Variants in FCRL3 observed in about 807,000 individuals in gnomAD.
FCRL3 encodes the protein Fc receptor like 3.
FCRL3 carries 89 observed loss-of-function variants against 75.0 expected under a neutral mutation model. That is an observed-to-expected ratio of 1.19 (90% CI 1.00 to 1.42). The LOEUF (loss-of-function observed/expected upper bound fraction) is 1.42. Among genes scored for constraint, FCRL3 ranks in the 40% most tolerant of loss-of-function variants. The probability of loss-of-function intolerance (pLI) is 0.00; values close to 1 mark genes in which losing one functional copy is unlikely to be tolerated. For missense variants in FCRL3, 946 were observed against 880.0 expected (o/e 1.07, Z -0.95); for synonymous variants, 376 against 348.5 (o/e 1.08, Z -0.88).
rs924239472 is a variant in FCRL3, at chr1:157,689,814, C to T, written c.1794G>A (p.Arg598=). ...GACACCCACCTGGTTTCCTTCGGGC[C>T]CTGGCGTAATGCAGCAGAGCAGCAG... ...AAAAALLHYA[R]ARRKPGGLSA... The change falls in exon 10 of 15, where the codon AGG becomes AGA. Residue 598 remains arginine (R), a synonymous_variant. Transcript: ENST00000368184. 2.4e-5 allele frequency: 39 copies of T among 1,613,936 alleles called. 1 individual carries two copies. The highest frequency in any genetic ancestry group is 3.2e-5 in the Non-Finnish European group (38 of 1,180,008).
chr1:157,690,595 T>C, intron 8 of FCRL3, 62 bp from the exon 9 acceptor site: 3 of 1,578,758 alleles, frequency 1.9e-6, no homozygotes, highest in Non-Finnish European at 2.6e-6. Context: ...GAGAACTTAA[T>C]AAAGGAATAT....
chr1:157,698,126 T>C, intron 4 of FCRL3: 1 of 725,990 alleles, frequency 1.4e-6, no homozygotes, highest in Non-Finnish European at 2.2e-6. Flanking sequence ...AATCTTCACA[T>C]GTCTTTTCAC....
chr1:157,697,193 G>C lies in FCRL3; in HGVS notation c.791C>G (p.Thr264Arg), dbSNP rs760066597. 66 of 1,550,664 alleles carry C rather than the reference G, an allele frequency of 4.3e-5. 1 individual carries two copies. In the South Asian group the frequency reaches 7.9e-4, roughly 18 times the overall value. Reference sequence around the variant, plus strand: ...CCTTTTTTTGATGCTGTGAGTCACTGTCTCCACCTCACACCAGTAAGACCC... The same window carrying C: ...CCTTTTTTTGATGCTGTGAGTCACTCTCTCCACCTCACACCAGTAAGACCC... ...DSGSYWCEVE[T>R]VTHSIKKRSL... is the part of the protein sequence containing the mutation. The change falls in exon 6 of 15, where the codon ACA becomes AGA. Residue 264 changes from threonine to arginine, a missense_variant. Physicochemically the swap from Thr to Arg is moderately conservative, Grantham distance 71. Transcript: ENST00000368184.
intron 8 of FCRL3, among the ~76,000 whole-genome samples, chr1:157,691,132 G>A (rs960931442): frequency 2.6e-5 from 4 of 151,986 alleles, no homozygotes; most frequent in African/African-American, 9.7e-5. Flanking sequence ...AACTTTGCCT[G>A]GCATATAAAA....
At chr1:157,686,433 A>ATC (rs1381098313) in intron 10 of FCRL3, among the ~76,000 whole-genome samples, 1 of 152,134 alleles carries the variant, frequency 6.6e-6, no homozygotes, top group Non-Finnish European at 1.5e-5. Flanking sequence ...AATTAGAAAA[A>ATC]TCTATTTTAA....
At chr1:157,688,169 C>T (rs1480747109) in intron 10 of FCRL3, among the ~76,000 whole-genome samples, 6 of 151,890 alleles carry the variant, frequency 4.0e-5, no homozygotes, top group African/African-American at 7.3e-5. Flanking sequence ...TAAACAAAAC[C>T]GGCAAGAATT....
At position 157,676,864 on chromosome 1, in the gene FCRL3, G is replaced by GC. The variant is rs1654489592; in HGVS notation, c.*1845dup. The GC allele has an allele frequency of 6.5e-7, 1 of 1,530,414 alleles. No individual in the cohort carries two copies. The highest frequency in any genetic ancestry group is 1.4e-5 in the African/African-American group (1 of 72,494). The allele number at this position is 1,530,414 out of a possible 1,614,324, so 94.8% of individuals were successfully genotyped here. On this transcript the variant is annotated 3_prime_UTR_variant, in exon 15 of 15. Transcript: ENST00000368184. The stretch of plus-strand genomic sequence containing the variant: ...GGCTTGGCAAGGTAATTCCAAATCA[G>GC]CAGCAGGGTTAGAAAGGAGGAGAGC...
chr1:157,698,562 C>T lies in FCRL3; in HGVS notation c.120G>A (p.Val40=), dbSNP rs375927716. 150 of 1,613,988 alleles carry T rather than the reference C, an allele frequency of 9.3e-5. No homozygotes were observed. The highest frequency in any genetic ancestry group is 1.3e-4 in the Non-Finnish European group (148 of 1,179,962). The part of the protein sequence containing the change: ...PWSTAFKGEK[V]ALICSSISHS... The stretch of plus-strand genomic sequence containing the variant: ...GTGATATGCTGCTGCATATGAGAGC[C>T]ACTTTTTCTCCTTTGAAGGCTGTGG... Residue 40 remains valine, a synonymous_variant, in exon 4 of 15, where the codon GTG becomes GTA. Transcript: ENST00000368184.
intron 13 of FCRL3, chr1:157,679,211 C>T: frequency 1.7e-6 from 1 of 577,590 alleles, no homozygotes; most frequent in Non-Finnish European, 3.1e-6. Flanking sequence ...AGAAAAAGTA[C>T]TGCCCCAAGC....
In FCRL3 at chr1:157,690,300, C is replaced by T; in HGVS notation, c.1645G>A (p.Gly549Ser). The T allele has an allele frequency of 3.7e-6, 6 of 1,614,246 alleles. No homozygotes were observed. The highest frequency in any genetic ancestry group is 1.6e-4 in the Middle Eastern group (1 of 6,062). ...SGNYSCEADN[G>S]LGAQHSKVVT... ...ACTTTACTGTGCTGGGCCCCCAGGCCATTGTCAGCCTCACATGAGTAGTTT... is the reference window on the plus strand; with the variant it reads ...ACTTTACTGTGCTGGGCCCCCAGGCTATTGTCAGCCTCACATGAGTAGTTT... The change falls in exon 9 of 15, where the codon GGC (glycine) becomes AGC (serine). Residue 549 changes from glycine to serine, a missense_variant. Transcript: ENST00000368184.
At chr1:157,697,039 A>C in intron 6 of FCRL3, 101 bp downstream of exon 6, 1 of 1,126,328 alleles carries the variant, frequency 8.9e-7, no homozygotes, top group Non-Finnish European at 1.2e-6. Flanking sequence ...ATAGCTGGAC[A>C]CTCCTCTCTG....
chr1:157,683,825 A>C (rs377394424), intron 10 of FCRL3, among the ~76,000 whole-genome samples: 2 of 152,126 alleles, frequency 1.3e-5, no homozygotes, highest in Non-Finnish European at 2.9e-5. Context: ...GCTCCGATTT[A>C]TCTTTCTTCC....
At chr1:157,684,669 C>A (rs780235967) in intron 10 of FCRL3, among the ~76,000 whole-genome samples, 3 of 152,084 alleles carry the variant, frequency 2.0e-5, no homozygotes, top group Non-Finnish European at 4.4e-5. Flanking sequence ...GTCATAGTAC[C>A]TAAAAGGTAG....
At chr1:157,700,346 C>G in intron 2 of FCRL3, 113 bp downstream of exon 2, 1 of 1,521,358 alleles carries the variant, frequency 6.6e-7, no homozygotes, top group Admixed American at 1.9e-5. Context: ...CTTCCCATCC[C>G]TTGCTATCTG....
chr1:157,688,172 C>T (rs1655295423), intron 10 of FCRL3, among the ~76,000 whole-genome samples: 2 of 152,048 alleles, frequency 1.3e-5, no homozygotes, highest in East Asian at 3.9e-4. Flanking sequence ...ACAAAACCGG[C>T]AAGAATTAGC....
In FCRL3 at chr1:157,677,876, T is replaced by A; in HGVS notation, c.*834A>T. ...ACATGAGATTTAGAATGGTTTTTTA[T>A]CAGATGGAGTGAGGTAGAGGAAGAG... is the stretch of plus-strand genomic sequence containing the variant. On this transcript the variant is annotated 3_prime_UTR_variant, in exon 15 of 15. Transcript: ENST00000368184. The A allele has an allele frequency of 1.2e-6, 1 of 840,854 alleles. No individual in the cohort carries two copies. Among genetic ancestry groups the A allele is most frequent in the Non-Finnish European group, 1.4e-6 (1 of 698,744 alleles). 52.1% of individuals were successfully genotyped at this position (840,854 alleles called of 1,614,324 possible).
chr1:157,681,550 T>C (rs1411046481), intron 11 of FCRL3, among the ~76,000 whole-genome samples: 1 of 152,068 alleles, frequency 6.6e-6, no homozygotes, highest in Non-Finnish European at 1.5e-5. Context: ...GTTTCATCCA[T>C]GTTCCTACAA....
intron 13 of FCRL3, 146 bp from the exon 14 acceptor site, chr1:157,679,119 T>C (rs1654656884): frequency 2.3e-6 from 2 of 857,160 alleles, no homozygotes; most frequent in African/African-American, 1.7e-5. Flanking sequence ...CAAACCCACA[T>C]AGAAAAAGTA....
At position 157,700,685 on chromosome 1, in the gene FCRL3, C is replaced by G. The variant is rs1385173950; in HGVS notation, c.-120G>C. On this transcript the variant is annotated 5_prime_UTR_variant, in exon 1 of 15. It removes the in-frame stop codon of an upstream open reading frame in the 5' UTR. Coordinates refer to ENST00000368184, the MANE Select transcript of FCRL3 (RefSeq NM_052939.4). Reference sequence around the variant, plus strand: ...ACCTTCCTAAATGCTGTTTGTATCTCAATCCCGGTAGTGATACATTTTTAG... The same window carrying G: ...ACCTTCCTAAATGCTGTTTGTATCTGAATCCCGGTAGTGATACATTTTTAG... 1 of 1,452,064 alleles carries G rather than the reference C, an allele frequency of 6.9e-7. No individual in the cohort carries two copies. Among genetic ancestry groups the G allele is most frequent in the East Asian group, 2.5e-5 (1 of 39,760 alleles). 89.9% of individuals were successfully genotyped at this position (1,452,064 alleles called of 1,614,324 possible). A position where few individuals can be genotyped will look rare whatever the true frequency, so the allele number is the denominator to read the frequency against.
Sources: allele counts gnomAD v4.1 joint callset (sites outside exome capture counted in the v4.1 genomes callset), GRCh38; gene constraint gnomAD v4.1.1; transcripts MANE v1.5; gene names NCBI Gene and HGNC (gene_info 2026-07-23, HGNC 2026-07-21).